The following SLC12A6 variants were observed in gnomAD, a reference collection of about 807,000 sequenced individuals.
The protein encoded by SLC12A6 is solute carrier family 12 member 6.
A neutral mutation model predicts 135.3 loss-of-function variants in SLC12A6; 66 were observed. That is an observed-to-expected ratio of 0.49 (90% CI 0.40 to 0.60). SLC12A6 has a LOEUF of 0.60. SLC12A6 is among the 20% of genes least tolerant of loss of function. The probability of loss-of-function intolerance (pLI) is 0.00; values close to 1 mark genes in which losing one functional copy is unlikely to be tolerated. For synonymous variants in SLC12A6, 513 were observed against 508.8 expected, an observed-to-expected ratio of 1.01 and a Z score of -0.11; for missense variants, 1,058 against 1,452.3, an observed-to-expected ratio of 0.73 and a Z score of 4.41.
chr15:34,269,531 C>T (rs1282379751), intron 3 of SLC12A6, among the ~76,000 whole-genome samples: 1 of 152,158 alleles, frequency 6.6e-6, no homozygotes, highest in Non-Finnish European at 1.5e-5. Context: ...CCTAATTTCC[C>T]TTGGCACAGG....
chr15:34,296,365 T>C (rs905051986), intron 2 of SLC12A6, among the ~76,000 whole-genome samples: 1 of 152,148 alleles, frequency 6.6e-6, no homozygotes, highest in Admixed American at 6.5e-5. Context: ...AACCCTGTGA[T>C]ACAGATAGGA....
chr15:34,237,476 G>T lies in SLC12A6; in HGVS notation c.2877C>A (p.Asp959Glu). Reference protein sequence around the residue: ...LEDNSIQMKKDLATFLYHLRI... With the variant: ...LEDNSIQMKKELATFLYHLRI... ...GTAAGTGATATAGGAAGGTGGCTAG[G>T]TCCTTCTTCATTTGGATACTGTTGT... The change falls in exon 22 of 26, where the codon GAC (aspartate) becomes GAA (glutamate). Residue 959 changes from aspartate (D) to glutamate (E), a missense_variant. Transcript: ENST00000354181. 1 of 1,612,666 alleles carries T rather than the reference G, an allele frequency of 6.2e-7. No homozygotes were observed. Among genetic ancestry groups the T allele is most frequent in the Non-Finnish European group, 8.5e-7 (1 of 1,178,850 alleles).
intron 3 of SLC12A6, among the ~76,000 whole-genome samples, chr15:34,273,931 G>C (rs903082216): frequency 6.6e-6 from 1 of 151,936 alleles, no homozygotes; most frequent in African/African-American, 2.4e-5. Context: ...ACTGGTGAGA[G>C]TTTAAGCTGA....
intron 2 of SLC12A6, among the ~76,000 whole-genome samples, chr15:34,301,728 G>A (rs141574093): frequency 4.3e-3 from 645 of 149,596 alleles, no homozygotes; most frequent in South Asian, 0.011. Flanking sequence ...GGTGGCTCAC[G>A]CCTGTAATCC....
At chr15:34,240,914 CAGG>C (rs1018656299) in intron 18 of SLC12A6, 85 bp from the exon 19 acceptor site, 52 of 1,028,354 alleles carry the variant, frequency 5.1e-5, no homozygotes, top group Admixed American at 7.9e-5. Flanking sequence ...CCCTTTAATT[CAGG>C]AGATCTGTAT....
chr15:34,281,443 T>C (rs1194818276), intron 2 of SLC12A6, among the ~76,000 whole-genome samples: 2 of 152,170 alleles, frequency 1.3e-5, no homozygotes, highest in South Asian at 2.1e-4. Flanking sequence ...TCTAAATTTA[T>C]AGCAATGAAC....
intron 2 of SLC12A6, among the ~76,000 whole-genome samples, chr15:34,286,689 G>A (rs964263758): frequency 1.4e-4 from 22 of 151,968 alleles, no homozygotes; most frequent in African/African-American, 5.1e-4. Context: ...CCAGCTGCTT[G>A]GGAGGCTGAG....
chr15:34,284,200 T>A (rs1894875338), intron 2 of SLC12A6, among the ~76,000 whole-genome samples: 1 of 151,984 alleles, frequency 6.6e-6, no homozygotes, highest in Admixed American at 6.6e-5. Flanking sequence ...GGAGGCAGGT[T>A]GATGATATCT....
intron 2 of SLC12A6, among the ~76,000 whole-genome samples, chr15:34,298,557 T>C (rs1018781453): frequency 2.0e-5 from 3 of 151,986 alleles, no homozygotes; most frequent in Non-Finnish European, 1.5e-5. Flanking sequence ...GAGCTAAATC[T>C]TGAAGGATGA....
intron 2 of SLC12A6, among the ~76,000 whole-genome samples, chr15:34,285,316 T>C (rs1265400536): frequency 1.3e-5 from 2 of 152,178 alleles, no homozygotes; most frequent in Non-Finnish European, 2.9e-5. Flanking sequence ...ATATGTTGAC[T>C]AGCCTAGGTA....
intron 3 of SLC12A6, among the ~76,000 whole-genome samples, chr15:34,270,377 C>T (rs1311036394): frequency 1.3e-5 from 2 of 152,140 alleles, no homozygotes; most frequent in African/African-American, 2.4e-5. Flanking sequence ...GGACTACAGG[C>T]GTGTGCCATT....
chr15:34,240,718 G>A lies in SLC12A6; in HGVS notation c.2379C>T (p.Gly793=). The A allele has an allele frequency of 1.2e-6, 2 of 1,613,980 alleles. No homozygotes were observed. The highest frequency in any genetic ancestry group is 1.7e-6 in the Non-Finnish European group (2 of 1,179,830). Residue 793 remains glycine (G), a synonymous_variant, in exon 19 of 26, where the codon GGC becomes GGT. Transcript: ENST00000354181. ...CTAGGAAGTTCCCCACGATGACAGA[G>A]CCCACAATAGTGAGACCTTTTCCTG... ...LKAGKGLTIV[G]SVIVGNFLEN...
At chr15:34,302,858 G>T (rs188239781) in intron 2 of SLC12A6, among the ~76,000 whole-genome samples, 2 of 148,894 alleles carry the variant, frequency 1.3e-5, no homozygotes, top group Admixed American at 6.8e-5. Flanking sequence ...GCTGAGGTGA[G>T]AGGATTGCTT....
chr15:34,305,511 C>T (rs1405353632), intron 2 of SLC12A6, among the ~76,000 whole-genome samples: 1 of 151,052 alleles, frequency 6.6e-6, no homozygotes, highest in African/African-American at 2.4e-5. Context: ...CGGGCGCCTA[C>T]TATGTGTAAG....
intron 2 of SLC12A6, among the ~76,000 whole-genome samples, chr15:34,328,011 T>C (rs911040441): frequency 1.3e-5 from 2 of 151,976 alleles, no homozygotes; most frequent in African/African-American, 4.8e-5. Context: ...GGATTAGCAA[T>C]GCCGTAATAA....
chr15:34,247,440 C>G (rs1892071134), intron 13 of SLC12A6, among the ~76,000 whole-genome samples: 1 of 151,980 alleles, frequency 6.6e-6, no homozygotes, highest in Non-Finnish European at 1.5e-5. Context: ...TGGCGTGAAC[C>G]CGGGAGGCAG....
intron 8 of SLC12A6, 48 bp from the exon 9 acceptor site, chr15:34,254,637 A>T (rs780152826): frequency 7.1e-7 from 1 of 1,402,738 alleles, no homozygotes; most frequent in East Asian, 2.3e-5. Flanking sequence ...CAAAATAATT[A>T]AGTAAAAAGG....
intron 2 of SLC12A6, among the ~76,000 whole-genome samples, chr15:34,326,353 C>T (rs915434061): frequency 6.6e-6 from 1 of 152,056 alleles, no homozygotes; most frequent in East Asian, 1.9e-4. Flanking sequence ...AAAACGGGCT[C>T]CTAGTCAACA....
rs1489161340 is a variant in SLC12A6, at chr15:34,229,812, C to T, written c.*4069G>A. On this transcript the variant is annotated 3_prime_UTR_variant, in exon 26 of 26. Transcript: ENST00000354181. ...GAACATGAGAAAGCAGCGCCTGGTC[C>T]CTATGTATTTGGGTCTTATTTACAT... 1.9e-6 allele frequency: 3 copies of T among 1,611,562 alleles called. No individual in the cohort carries two copies. In the Admixed American group the frequency reaches 5.0e-5, roughly 27 times the overall value.
Sources: allele counts gnomAD v4.1 joint callset (sites outside exome capture counted in the v4.1 genomes callset), GRCh38; gene constraint gnomAD v4.1.1; transcripts MANE v1.5; gene names NCBI Gene and HGNC (gene_info 2026-07-23, HGNC 2026-07-21).